The following SLC25A41 variants were observed in gnomAD, a reference collection of about 807,000 sequenced individuals.
SLC25A41 encodes the protein solute carrier family 25 member 41, also known as mitochondrial carrier protein SCaMC-3L.
SLC25A41 carries 35 observed loss-of-function variants against 34.7 expected under a neutral mutation model. That is an observed-to-expected ratio of 1.01 (90% CI 0.77 to 1.34). The LOEUF (loss-of-function observed/expected upper bound fraction) is 1.34, where lower values mean the gene tolerates loss of function less well. Among genes scored for constraint, SLC25A41 ranks in the 40% most tolerant of loss-of-function variants. The pLI is 0.00. For synonymous variants in SLC25A41, 190 were observed against 209.9 expected (o/e 0.91, Z 0.82); for missense variants, 492 against 489.8 (o/e 1.00, Z -0.04).
At chr19:6,432,983 C>T (rs919561706) in intron 1 of SLC25A41, among the ~76,000 whole-genome samples, 2 of 151,544 alleles carry the variant, frequency 1.3e-5, no homozygotes, top group Non-Finnish European at 2.9e-5. Flanking sequence ...AATATAGACT[C>T]TCTAAGTTAC....
Position 6,433,576 on chromosome 19 carries a change from G to A in SLC25A41, c.118C>T (p.Pro40Ser). Reference sequence around the variant, plus strand: ...TGTGTACAGCCAGGGTTCCAGGATGGGGGTGGAGGCGGAGGTTGGGGGGGA... The same window carrying A: ...TGTGTACAGCCAGGGTTCCAGGATGAGGGTGGAGGCGGAGGTTGGGGGGGA... Reference protein sequence around the residue: ...PPPPQPPPPPPSWNPGCTHVY... With the variant: ...PPPPQPPPPPSSWNPGCTHVY... Residue 40 changes from proline to serine, a missense_variant, in exon 1 of 7, where the codon CCA becomes TCA. Physicochemically the swap from Pro to Ser is moderately conservative, Grantham distance 74. Coordinates refer to ENST00000321510, the MANE Select transcript of SLC25A41 (RefSeq NM_173637.4). The A allele has an allele frequency of 6.2e-7, 1 of 1,613,552 alleles. No individual in the cohort carries two copies. The highest frequency in any genetic ancestry group is 1.1e-5 in the South Asian group (1 of 91,072).
chr19:6,430,322 A>G (rs2092279877), intron 2 of SLC25A41, among the ~76,000 whole-genome samples, 161 bp from the exon 3 acceptor site: 1 of 150,308 alleles, frequency 6.7e-6, no homozygotes, highest in Admixed American at 6.7e-5. Context: ...GGCCAGTTCT[A>G]GAATCGCATG....
chr19:6,433,594 G>A lies in SLC25A41; in HGVS notation c.100C>T (p.Gln34Ter), dbSNP rs200394445. 7.1e-5 allele frequency: 114 copies of A among 1,605,942 alleles called. No individual in the cohort carries two copies. The African/African-American group carries it at 1.2e-3, about 17-fold the overall frequency. The change falls in exon 1 of 7, where the codon CAA becomes TAA. Residue 34 changes from glutamine (Q) to a stop codon, truncating the protein, a stop_gained. Coordinates refer to ENST00000321510, the MANE Select transcript of SLC25A41 (RefSeq NM_173637.4). LOFTEE classifies it high-confidence loss of function. ...CAGGATGGGGGTGGAGGCGGAGGTT[G>A]GGGGGGAGGCGGGGCTTTGATGAGT... Reference protein sequence around the residue: ...TLLIKAPPPPQPPPPPPSWNP... With the variant: ...TLLIKAPPPP
Position 6,429,023 on chromosome 19 carries a change from T to TTA in SLC25A41, c.624+699_624+700dup, listed in dbSNP as rs1188926856. ...GAGCCAAGGTGTCTGGCCTGAAAAT[T>TTA]TATATATATATATATAATATATATA... On this transcript the variant is annotated intron_variant, in intron 4 of 6. Transcript: ENST00000321510. 3.2e-3 allele frequency among the ~76,000 whole-genome samples: 165 copies of TTA among 51,852 alleles called. 23 individuals are homozygous for TTA. Among genetic ancestry groups the TTA allele is most frequent in the South Asian group, 3.8e-3 (8 of 2,128 alleles). The allele number at this position is 51,852 out of a possible 152,430, so 34.0% of individuals were successfully genotyped here. A position where few individuals can be genotyped will look rare whatever the true frequency, so the allele number is the denominator to read the frequency against.
rs1172092922 is a variant in SLC25A41 at position 6,429,034 on chromosome 19, TATATA to T, written c.624+685_624+689del. 4.9e-4 allele frequency among the ~76,000 whole-genome samples: 21 copies of T among 42,752 alleles called. 2 individuals carry two copies. Among genetic ancestry groups the T allele is most frequent in the African/African-American group, 1.3e-3 (7 of 5,454 alleles). 28.0% of individuals were successfully genotyped at this position (42,752 alleles called of 152,430 possible). On this transcript the variant is annotated intron_variant, in intron 4 of 6. Coordinates refer to ENST00000321510, the MANE Select transcript of SLC25A41 (RefSeq NM_173637.4). Reference sequence around the variant, plus strand: ...TCTGGCCTGAAAATTTATATATATATATATAATATATATATTATATATATGTTATA... The same window carrying T: ...TCTGGCCTGAAAATTTATATATATATATATATATATTATATATATGTTATA...
At chr19:6,432,473 ATTTTTTT>A (rs34519561) in intron 1 of SLC25A41, among the ~76,000 whole-genome samples, 3 of 80,976 alleles carry the variant, frequency 3.7e-5, no homozygotes, top group African/African-American at 5.4e-5. Context: ...ACAACACCTA[ATTTTTTT>A]TTTTTTTTTT....
rs1448684756 is a variant in SLC25A41 at position 6,432,056 on chromosome 19, T to C, written c.356A>G (p.Tyr119Cys). The change falls in exon 2 of 7, where the codon TAC becomes TGC. Residue 119 changes from tyrosine to cysteine, a missense_variant. Physicochemically the swap from Tyr to Cys is radical, Grantham distance 194. Coordinates refer to ENST00000321510, the MANE Select transcript of SLC25A41 (RefSeq NM_173637.4). ...GTAPLDRAKVYMQVYSSKTNF... is the reference protein window; with the variant it reads ...GTAPLDRAKVCMQVYSSKTNF... The stretch of plus-strand genomic sequence containing the variant: ...CCCCCAACCCACACAAACCTGCATG[T>C]ACACCTTGGCTCTGTCCAGAGGTGC... The C allele has an allele frequency of 6.2e-7, 1 of 1,611,812 alleles. No homozygotes were observed. The highest frequency in any genetic ancestry group is 1.7e-5 in the Admixed American group (1 of 59,786).
chr19:6,430,373 T>C, intron 2 of SLC25A41: 1 of 576,250 alleles, frequency 1.7e-6, no homozygotes, highest in Non-Finnish European at 3.1e-6. Context: ...CATTCCCACC[T>C]CACCCCTCCT....
In SLC25A41 at chr19:6,427,025, T is replaced by C; in HGVS notation, c.940+78A>G. 6.7e-7 allele frequency: 1 copy of C among 1,493,052 alleles called. No homozygotes were observed. The allele number at this position is 1,493,052 out of a possible 1,614,324, so 92.5% of individuals were successfully genotyped here. ...GACACGGAGGGTGCCGGACTCAGTT[T>C]TGGGGTATGAGAAAATTGAGACAGC... On this transcript the variant is annotated intron_variant, in intron 6 of 6. Coordinates refer to ENST00000321510, the MANE Select transcript of SLC25A41 (RefSeq NM_173637.4). The surrounding 1 kb of genome is among the most constrained non-coding windows in gnomAD (Gnocchi z 4.9).
At chr19:6,432,308 C>CCAAGTCTG in intron 1 of SLC25A41, 104 bp from the exon 2 acceptor site, 1 of 1,297,092 alleles carries the variant, frequency 7.7e-7, no homozygotes, top group Non-Finnish European at 1.0e-6. Context: ...CCCTGTTCCC[C>CCAAGTCTG]CAAGTCTGCA....
upstream of SLC25A41, chr19:6,436,246 G>T (rs569419901): frequency 1.2e-5 from 4 of 325,992 alleles, no homozygotes; most frequent in Non-Finnish European, 2.5e-5. Flanking sequence ...AGTGTTTGAA[G>T]TATAAGAGTC....
chr19:6,429,865 C>G, intron 3 of SLC25A41, 34 bp from the exon 4 acceptor site: 1 of 1,604,652 alleles, frequency 6.2e-7, no homozygotes, highest in Non-Finnish European at 8.5e-7. Context: ...AGAGAGAAGT[C>G]AGCCACCCTC....
At chr19:6,429,180 AT>A (rs1354246383) in intron 4 of SLC25A41, among the ~76,000 whole-genome samples, 1 of 78,188 alleles carries the variant, frequency 1.3e-5, no homozygotes, top group Non-Finnish European at 2.3e-5. Flanking sequence ...TATATAATAT[AT>A]ATATGTTATA....
intron 4 of SLC25A41, among the ~76,000 whole-genome samples, chr19:6,429,048 ATTATATATATG>A (rs1568349358): frequency 2.1e-4 from 8 of 38,166 alleles, no homozygotes; most frequent in African/African-American, 1.0e-3. Context: ...TAATATATAT[ATTATATATATG>A]TTATATATAT....
In SLC25A41 at chr19:6,432,073, C is replaced by T; in HGVS notation, c.339G>A (p.Leu113=). 1 of 1,613,500 alleles carries T rather than the reference C, an allele frequency of 6.2e-7. No individual in the cohort carries two copies. Among genetic ancestry groups the T allele is most frequent in the Non-Finnish European group, 8.5e-7 (1 of 1,179,586 alleles). Residue 113 remains leucine (L), a synonymous_variant, in exon 2 of 7, where the codon CTG becomes CTA. Coordinates refer to ENST00000321510, the MANE Select transcript of SLC25A41 (RefSeq NM_173637.4). ...GAVSRTGTAP[L]DRAKVYMQVY... ...CCTGCATGTACACCTTGGCTCTGTC[C>T]AGAGGTGCCGTGCCCGTGCGAGACA... is the stretch of plus-strand genomic sequence containing the variant.
At chr19:6,436,025 AAAAACC>A (rs2092310286), upstream of SLC25A41, 1 of 163,986 alleles carries the variant, frequency 6.1e-6, no homozygotes, top group Non-Finnish European at 1.3e-5. Context: ...ACCCTGTTTC[AAAAACC>A]AAAACCGAAA....
At chr19:6,429,197 A>G (rs1170020827) in intron 4 of SLC25A41, among the ~76,000 whole-genome samples, 1 of 78,676 alleles carries the variant, frequency 1.3e-5, no homozygotes, top group East Asian at 3.9e-4. Context: ...TTATATATAT[A>G]ATATATATGT....
chr19:6,426,334 G>GTCA lies in SLC25A41; in HGVS notation c.*52_*54dup, dbSNP rs984844524. The GTCA allele has an allele frequency of 1.9e-6, 3 of 1,540,008 alleles. No individual in the cohort carries two copies. In the African/African-American group the frequency reaches 4.1e-5, roughly 21 times the overall value. ...CCTCGAGGGCTCTTTGGGGCCAGGG[G>GTCA]TCATCAGGTCCTCCTGTCCCATTTC... is the stretch of plus-strand genomic sequence containing the variant. On this transcript the variant is annotated 3_prime_UTR_variant, in exon 7 of 7. Coordinates refer to ENST00000321510, the MANE Select transcript of SLC25A41 (RefSeq NM_173637.4).
chr19:6,429,640 A>G (rs1189854700), intron 4 of SLC25A41, 84 bp downstream of exon 4: 2 of 943,008 alleles, frequency 2.1e-6, no homozygotes, highest in East Asian at 2.8e-5. Context: ...GGAGGGGAGA[A>G]AGGAGGAAGA....
Sources: allele counts gnomAD v4.1 joint callset (sites outside exome capture counted in the v4.1 genomes callset), GRCh38; gene constraint gnomAD v4.1.1; non-coding constraint Gnocchi (gnomAD v3.1); transcripts MANE v1.5; gene names NCBI Gene and HGNC (gene_info 2026-07-23, HGNC 2026-07-21).